P2RY12: variants seen among roughly 807,000 people sequenced by gnomAD.
The protein encoded by P2RY12 is P2Y purinoceptor 12.
In P2RY12, 3 loss-of-function variants were observed where a neutral mutation model predicts 4.5. The ratio of observed to expected loss-of-function variants is 0.67; its 90% CI spans 0.31 to 1.74. P2RY12 has a LOEUF of 1.74. Among genes scored for constraint, P2RY12 ranks in the 40% most tolerant of loss-of-function variants. The pLI, the probability that P2RY12 is intolerant of heterozygous loss-of-function variation, is 0.09. For synonymous variants in P2RY12, 148 were observed against 154.1 expected, an observed-to-expected ratio of 0.96 and a Z score of 0.29; for missense variants, 356 against 407.8, an observed-to-expected ratio of 0.87 and a Z score of 1.09.
intron 1 of P2RY12, among the ~76,000 whole-genome samples, chr3:151,347,639 C>T (rs1259621670): frequency 6.6e-6 from 1 of 152,002 alleles, no homozygotes; most frequent in Admixed American, 6.6e-5. Context: ...AGGAAGTGCC[C>T]TGGAGTCTTG....
intron 1 of P2RY12, among the ~76,000 whole-genome samples, chr3:151,366,550 C>G (rs977178404): frequency 3.9e-5 from 6 of 152,172 alleles, no homozygotes; most frequent in African/African-American, 1.4e-4. Flanking sequence ...TATCATGTTG[C>G]ATCCATGATG....
At chr3:151,376,242 T>A in intron 1 of P2RY12, 1 of 1,359,834 alleles carries the variant, frequency 7.4e-7, no homozygotes, top group Non-Finnish European at 9.6e-7. Flanking sequence ...TGTGTTTCTG[T>A]CATTTGATAA....
At chr3:151,362,315 C>T (rs965507193) in intron 1 of P2RY12, among the ~76,000 whole-genome samples, 2 of 152,098 alleles carry the variant, frequency 1.3e-5, no homozygotes, top group African/African-American at 4.8e-5. Context: ...CCATCCCTAC[C>T]TAGCCTTCAA....
chr3:151,365,342 C>G, intron 1 of P2RY12: 1 of 662,396 alleles, frequency 1.5e-6, no homozygotes, highest in Non-Finnish European at 2.6e-6. Flanking sequence ...TCTTTTATTC[C>G]TTAATTTACC....
chr3:151,380,605 A>G (rs1430627127), intron 1 of P2RY12, among the ~76,000 whole-genome samples: 1 of 151,982 alleles, frequency 6.6e-6, no homozygotes, highest in Non-Finnish European at 1.5e-5. Context: ...CTCAAAAAAA[A>G]AAAAAAAAAA....
intron 1 of P2RY12, among the ~76,000 whole-genome samples, chr3:151,366,998 G>T (rs1755362630): frequency 6.6e-6 from 1 of 152,102 alleles, no homozygotes; most frequent in Admixed American, 6.5e-5. Context: ...TTGGCATATG[G>T]TGCGAATCAG....
intron 1 of P2RY12, among the ~76,000 whole-genome samples, chr3:151,348,013 C>T (rs1193184435): frequency 6.6e-6 from 1 of 152,132 alleles, no homozygotes; most frequent in East Asian, 1.9e-4. Flanking sequence ...CTTTCCTTCA[C>T]CACCCCTCTT....
At chr3:151,364,256 T>G (rs917641955) in intron 1 of P2RY12, among the ~76,000 whole-genome samples, 4 of 152,226 alleles carry the variant, frequency 2.6e-5, no homozygotes, top group Admixed American at 6.5e-5. Flanking sequence ...ATTCCTGTTA[T>G]ACTTCTAGTA....
intron 1 of P2RY12, among the ~76,000 whole-genome samples, chr3:151,352,334 A>G (rs1025648635): frequency 6.6e-6 from 1 of 152,180 alleles, no homozygotes; most frequent in Non-Finnish European, 1.5e-5. Context: ...TTTTCAGTAA[A>G]TAGAAACATC....
At chr3:151,366,311 G>A (rs1020396351) in intron 1 of P2RY12, among the ~76,000 whole-genome samples, 2 of 152,100 alleles carry the variant, frequency 1.3e-5, no homozygotes, top group Non-Finnish European at 2.9e-5. Context: ...TTTACCAACT[G>A]CCCTGGATTC....
intron 1 of P2RY12, among the ~76,000 whole-genome samples, chr3:151,382,304 T>C (rs2108137246): frequency 6.6e-6 from 1 of 152,264 alleles, no homozygotes; most frequent in South Asian, 2.1e-4. Context: ...TGAGGCAAAA[T>C]GTAATTCTCT....
chr3:151,344,303 A>AT (rs74855620), intron 1 of P2RY12, among the ~76,000 whole-genome samples: 3,720 of 41,316 alleles, frequency 0.09, 153 homozygotes, highest in African/African-American at 0.35. Context: ...GTTACTAATG[A>AT]TTAAAAAAAA....
chr3:151,366,946 G>A (rs1441564484), intron 1 of P2RY12, among the ~76,000 whole-genome samples: 1 of 152,082 alleles, frequency 6.6e-6, no homozygotes, highest in African/African-American at 2.4e-5. Context: ...TTATGGTGGT[G>A]TGCTAATAAA....
At chr3:151,382,139 C>T (rs976732769) in intron 1 of P2RY12, among the ~76,000 whole-genome samples, 2 of 152,158 alleles carry the variant, frequency 1.3e-5, no homozygotes, top group African/African-American at 4.8e-5. Flanking sequence ...GATAAAGCCA[C>T]TTGGCTGATG....
chr3:151,360,406 A>T lies in P2RY12; in HGVS notation c.-179-19646T>A, dbSNP rs1028360787. 8 of 1,440,114 alleles carry T rather than the reference A, an allele frequency of 5.6e-6. No homozygotes were observed. The South Asian group carries it at 7.9e-5, about 14-fold the overall frequency. 89.2% of individuals were successfully genotyped at this position (1,440,114 alleles called of 1,614,324 possible). On this transcript the variant is annotated intron_variant, in intron 1 of 2. Transcript: ENST00000302632. ...CCAAGTGATACATATTTTCATTCTA[A>T]AAGAGTCAAATGATAACCCACATAG...
intron 1 of P2RY12, among the ~76,000 whole-genome samples, chr3:151,375,690 A>ATCAT (rs1349671215): frequency 2.0e-5 from 3 of 152,160 alleles, no homozygotes; most frequent in Non-Finnish European, 4.4e-5. Flanking sequence ...ATCTGATAGA[A>ATCAT]TCATTATATA....
At chr3:151,368,173 C>T (rs757116515) in intron 1 of P2RY12, 2 of 1,614,030 alleles carry the variant, frequency 1.2e-6, no homozygotes, top group African/African-American at 2.7e-5. Context: ...GGACGCCGAG[C>T]CTGGGGCGAG....
At chr3:151,380,062 G>A in intron 1 of P2RY12, 3 of 1,126,828 alleles carry the variant, frequency 2.7e-6, no homozygotes, top group Non-Finnish European at 3.8e-6. Context: ...GCCAGAGGAA[G>A]TAATGCATTA....
At chr3:151,375,547 A>G (rs1756731832) in intron 1 of P2RY12, among the ~76,000 whole-genome samples, 1 of 152,120 alleles carries the variant, frequency 6.6e-6, no homozygotes, top group African/African-American at 2.4e-5. Flanking sequence ...GTGCACTACT[A>G]CTCATTTATA....
Sources: allele counts gnomAD v4.1 joint callset (sites outside exome capture counted in the v4.1 genomes callset), GRCh38; gene constraint gnomAD v4.1.1; transcripts MANE v1.5; gene names NCBI Gene and HGNC (gene_info 2026-07-23, HGNC 2026-07-21).